The following MS4A4E variants were observed in gnomAD, a reference collection of about 807,000 sequenced individuals.
The protein encoded by MS4A4E is membrane spanning 4-domains A4E, also known as putative membrane-spanning 4-domains subfamily A member 4E.
Under a neutral mutation model 13.3 loss-of-function variants are expected in MS4A4E, and 23 were observed. That is an observed-to-expected ratio of 1.73 (90% CI 1.25 to 2.45). The LOEUF (loss-of-function observed/expected upper bound fraction) is 2.45. MS4A4E is among the 30% of genes most tolerant of loss of function. The probability of loss-of-function intolerance (pLI) is 0.00; values close to 1 mark genes in which losing one functional copy is unlikely to be tolerated. For missense variants in MS4A4E, 144 were observed against 131.2 expected (o/e 1.10, Z -0.48); for synonymous variants, 36 against 45.6 (o/e 0.79, Z 0.85).
intron 3 of MS4A4E, among the ~76,000 whole-genome samples, chr11:60,222,025 C>A (rs940910098): frequency 2.0e-5 from 3 of 152,158 alleles, no homozygotes; most frequent in African/African-American, 7.2e-5. Flanking sequence ...CATTCACTGA[C>A]CTGGCTATGG....
At chr11:60,240,337 T>G (rs2084533608) in intron 1 of MS4A4E, among the ~76,000 whole-genome samples, 1 of 152,180 alleles carries the variant, frequency 6.6e-6, no homozygotes, top group South Asian at 2.1e-4. Flanking sequence ...ACTCTGTATT[T>G]CTCCCATCTC....
rs1335492220 is a variant in MS4A4E, at chr11:60,201,105, C to G, written c.*438G>C. The G allele has an allele frequency of 9.3e-6, 1 of 107,442 alleles. No individual in the cohort carries two copies. The highest frequency in any genetic ancestry group is 9.8e-5 in the Admixed American group (1 of 10,242). The allele number at this position is 107,442 out of a possible 1,614,324, so 6.7% of individuals were successfully genotyped here. A position where few individuals can be genotyped will look rare whatever the true frequency, so the allele number is the denominator to read the frequency against. On this transcript the variant is annotated 3_prime_UTR_variant, in exon 9 of 9. Coordinates refer to ENST00000651255, the MANE Select transcript of MS4A4E (RefSeq NM_001393391.1). ...CTCCCTCCCGGACGGGGCGGCTGGCCGGGCGGGGTCTGACCCCCCCACCTC... is the reference window on the plus strand; with the variant it reads ...CTCCCTCCCGGACGGGGCGGCTGGCGGGGCGGGGTCTGACCCCCCCACCTC...
At position 60,219,515 on chromosome 11, in the gene MS4A4E, C is replaced by T. The variant is rs149039433; in HGVS notation, c.179-4901G>A. 3.8e-3 allele frequency among the ~76,000 whole-genome samples: 583 copies of T among 152,224 alleles called. 4 individuals carry two copies. Among genetic ancestry groups the T allele is most frequent in the African/African-American group, 0.013 (527 of 41,540 alleles). On this transcript the variant is annotated intron_variant, in intron 3 of 8. Transcript: ENST00000651255. ...TTAATTTACATAAGCAGAAAACTTC[C>T]AGGTCGAGTGGACAAAACACTAATT...
intron 5 of MS4A4E, among the ~76,000 whole-genome samples, chr11:60,212,179 C>G (rs1331192335): frequency 2.0e-5 from 3 of 152,032 alleles, no homozygotes; most frequent in Non-Finnish European, 4.4e-5. Flanking sequence ...TTTTCAGGTG[C>G]CACATGTTGA....
rs182817549 is a variant in MS4A4E at position 60,222,915 on chromosome 11, T to A, written c.178+5679A>T. Among the ~76,000 whole-genome samples the A allele has an allele frequency of 2.0e-5, 3 of 152,180 alleles. No homozygotes were observed. The East Asian group carries it at 5.8e-4, about 29-fold the overall frequency. ...GGAAGTATGTGTGGAATACAGGAGA[T>A]CCCTTAGGGTGTCTCTTAGTATTAC... On this transcript the variant is annotated intron_variant, in intron 3 of 8. Transcript: ENST00000651255.
intron 5 of MS4A4E, among the ~76,000 whole-genome samples, chr11:60,211,251 T>C (rs998844479): frequency 1.2e-4 from 19 of 152,206 alleles, no homozygotes; most frequent in African/African-American, 4.3e-4. Flanking sequence ...ATTGGGAAAA[T>C]TTGTCAAATT....
chr11:60,215,821 T>C (rs930055176), intron 3 of MS4A4E, among the ~76,000 whole-genome samples: 11 of 152,270 alleles, frequency 7.2e-5, no homozygotes, highest in Middle Eastern at 6.8e-3. Flanking sequence ...TACCATAAAC[T>C]CTTTAAAAAA....
At chr11:60,237,233 T>A (rs1224420796) in intron 1 of MS4A4E, among the ~76,000 whole-genome samples, 3 of 152,206 alleles carry the variant, frequency 2.0e-5, no homozygotes, top group African/African-American at 7.2e-5. Flanking sequence ...TTACTAAGGA[T>A]AATGGCCTCC....
At chr11:60,217,987 T>C (rs914546794) in intron 3 of MS4A4E, among the ~76,000 whole-genome samples, 1 of 152,188 alleles carries the variant, frequency 6.6e-6, no homozygotes, top group Admixed American at 6.5e-5. Context: ...GAGCCATATT[T>C]CTCTTCTTTC....
chr11:60,223,880 T>C (rs2084307383), intron 3 of MS4A4E, among the ~76,000 whole-genome samples: 1 of 152,284 alleles, frequency 6.6e-6, no homozygotes, highest in Middle Eastern at 3.4e-3. Context: ...CAATACTCCC[T>C]AATAAACTTC....
intron 1 of MS4A4E, among the ~76,000 whole-genome samples, chr11:60,240,395 C>T (rs1212145234): frequency 6.6e-6 from 1 of 152,180 alleles, no homozygotes; most frequent in Non-Finnish European, 1.5e-5. Flanking sequence ...TTGCTTACAG[C>T]CTCTGAATGT....
At chr11:60,218,951 A>G (rs2084231020) in intron 3 of MS4A4E, among the ~76,000 whole-genome samples, 1 of 152,176 alleles carries the variant, frequency 6.6e-6, no homozygotes, top group Non-Finnish European at 1.5e-5. Flanking sequence ...TGCAGCTTGC[A>G]GAGTTAAAAA....
intron 1 of MS4A4E, among the ~76,000 whole-genome samples, chr11:60,235,062 G>A (rs1249331873): frequency 6.6e-6 from 1 of 152,136 alleles, no homozygotes; most frequent in Non-Finnish European, 1.5e-5. Context: ...GGCAAAGAAG[G>A]TCATCATTTA....
At chr11:60,230,139 G>A (rs2084390488) in intron 1 of MS4A4E, 68 bp from the exon 2 acceptor site, 1 of 1,478,720 alleles carries the variant, frequency 6.8e-7, no homozygotes, top group African/African-American at 1.4e-5. Context: ...ACACTTTGGG[G>A]CAGATTCCTC....
intron 1 of MS4A4E, among the ~76,000 whole-genome samples, chr11:60,236,492 T>G (rs2084484369): frequency 6.6e-6 from 1 of 152,100 alleles, no homozygotes; most frequent in Non-Finnish European, 1.5e-5. Flanking sequence ...TTTGTAGTAT[T>G]CGATGTACAA....
chr11:60,240,147 G>A (rs2084530554), intron 1 of MS4A4E, among the ~76,000 whole-genome samples: 1 of 152,188 alleles, frequency 6.6e-6, no homozygotes, highest in Non-Finnish European at 1.5e-5. Flanking sequence ...AGAGGCAAGA[G>A]CTAAAGGTAA....
At position 60,200,442 on chromosome 11, in the gene MS4A4E, C is replaced by A. The variant is rs370984215; in HGVS notation, c.*1101G>T. Reference sequence around the variant, plus strand: ...CCTAGGCAGAGGACCCTGCGGCCTTCCGAGGTGTTTGTGTCCCTGGGTACT... The same window carrying A: ...CCTAGGCAGAGGACCCTGCGGCCTTACGAGGTGTTTGTGTCCCTGGGTACT... On this transcript the variant is annotated 3_prime_UTR_variant, in exon 9 of 9. Coordinates refer to ENST00000651255, the MANE Select transcript of MS4A4E (RefSeq NM_001393391.1). Among the ~76,000 whole-genome samples, 1 of 152,108 alleles carries A rather than the reference C, an allele frequency of 6.6e-6. No individual in the cohort carries two copies. Among genetic ancestry groups the A allele is most frequent in the African/African-American group, 2.4e-5 (1 of 41,408 alleles).
chr11:60,228,548 CA>C, intron 3 of MS4A4E, 45 bp downstream of exon 3: 1 of 633,756 alleles, frequency 1.6e-6, no homozygotes, highest in Non-Finnish European at 2.8e-6. Flanking sequence ...CAGTTTCTTA[CA>C]AAACTAAACA....
chr11:60,210,775 G>T (rs2084110571), intron 5 of MS4A4E, among the ~76,000 whole-genome samples: 1 of 152,160 alleles, frequency 6.6e-6, no homozygotes, highest in Non-Finnish European at 1.5e-5. Context: ...GCCCAGGCAA[G>T]AAGAGACTCA....
Sources: gnomAD v4.1 joint callset for allele counts (sites outside exome capture counted in the v4.1 genomes callset) on GRCh38, gnomAD v4.1.1 for gene constraint, MANE v1.5 for transcripts, NCBI Gene and HGNC (gene_info 2026-07-23, HGNC 2026-07-21) for gene names.